SH3BP2: variants seen among roughly 807,000 people sequenced by gnomAD.
SH3BP2 encodes SH3 domain-binding protein 2.
Under a neutral mutation model 56.2 loss-of-function variants are expected in SH3BP2, and 38 were observed. The ratio of observed to expected loss-of-function variants is 0.68; its 90% confidence interval spans 0.52 to 0.89. The LOEUF (loss-of-function observed/expected upper bound fraction) is 0.89. Among genes scored for constraint, SH3BP2 ranks in the 40% least tolerant of loss-of-function variants. The pLI is 0.00. For synonymous variants in SH3BP2, 346 were observed against 316.7 expected (o/e 1.09, Z -0.98); for missense variants, 748 against 762.6 (o/e 0.98, Z 0.23).
rs752456141 is a variant in SH3BP2 at position 2,824,597 on chromosome 4, G to A, written c.240-16G>A. ...AGCTGTGAACCAGGCCGTGACCCCT[G>A]GCGCTGTGCCCCCAGGGTGATGCGG... On this transcript the variant is annotated splice_polypyrimidine_tract_variant and intron_variant, in intron 3 of 12. Coordinates refer to ENST00000503393, the MANE Select transcript of SH3BP2 (RefSeq NM_001122681.2). The A allele has an allele frequency of 1.0e-5, 16 of 1,604,312 alleles. No homozygotes were observed. The highest frequency in any genetic ancestry group is 1.7e-4 in the Middle Eastern group (1 of 6,046).
At chr4:2,819,337 A>C (rs1207140657) in intron 1 of SH3BP2, among the ~76,000 whole-genome samples, 2 of 152,210 alleles carry the variant, frequency 1.3e-5, no homozygotes, top group African/African-American at 4.8e-5. Context: ...CTCCTGCCTC[A>C]GCCTCCTAGA....
In SH3BP2 at chr4:2,796,425, G is replaced by A. The variant is rs1259823727; in HGVS notation, c.-5+3287G>A. 15 of 985,334 alleles carry A rather than the reference G, an allele frequency of 1.5e-5. 1 individual carries two copies. The highest frequency in any genetic ancestry group is 7.0e-5 in the African/African-American group (4 of 57,210). 61.0% of individuals were successfully genotyped at this position (985,334 alleles called of 1,614,324 possible). The stretch of plus-strand genomic sequence containing the variant: ...GTGGTCAGGCCCTGCTTGGTTTCCC[G>A]GCCCCCGATCACAGATCGTGCTGGA... On this transcript the variant is annotated intron_variant, in intron 1 of 12. Transcript: ENST00000503393.
intron 1 of SH3BP2, among the ~76,000 whole-genome samples, chr4:2,819,773 T>A (rs77806476): frequency 0.01 from 1,565 of 151,812 alleles, 29 homozygotes; most frequent in African/African-American, 0.036. Flanking sequence ...GTTCTCTGCA[T>A]GGGAAGGGGT....
chr4:2,827,352 C>A, intron 6 of SH3BP2, 34 bp downstream of exon 6: 1 of 1,569,794 alleles, frequency 6.4e-7, no homozygotes, highest in Non-Finnish European at 8.8e-7. Context: ...TGCCCGTTTG[C>A]CTCTCCCCAC....
At chr4:2,818,342 G>A (rs1198149786) in intron 1 of SH3BP2, 1 of 1,173,300 alleles carries the variant, frequency 8.5e-7, no homozygotes, top group East Asian at 3.7e-5. Context: ...CAGGGGAGGC[G>A]GGCGTGGATC....
chr4:2,825,053 C>A, intron 4 of SH3BP2, 73 bp from the exon 5 acceptor site: 2 of 1,334,526 alleles, frequency 1.5e-6, no homozygotes, highest in Non-Finnish European at 2.1e-6. Context: ...GCAGGCAGGG[C>A]AGTGAAGGTG....
rs111920545 is a variant in SH3BP2 at position 2,834,000 on chromosome 4, G to A, written c.*166G>A. 1 of 859,388 alleles carries A rather than the reference G, an allele frequency of 1.2e-6. No homozygotes were observed. The highest frequency in any genetic ancestry group is 2.7e-5 in the East Asian group (1 of 37,354). 53.2% of individuals were successfully genotyped at this position (859,388 alleles called of 1,614,324 possible). Reference sequence around the variant, plus strand: ...GGACCCAGCCAGTCTCATCCAGCAGGTTGGGTTCTAGGGCTGAACCAGGCG... The same window carrying A: ...GGACCCAGCCAGTCTCATCCAGCAGATTGGGTTCTAGGGCTGAACCAGGCG... On this transcript the variant is annotated 3_prime_UTR_variant, in exon 13 of 13. Coordinates refer to ENST00000503393, the MANE Select transcript of SH3BP2 (RefSeq NM_001122681.2).
intron 1 of SH3BP2, chr4:2,812,076 G>A: frequency 1.0e-6 from 1 of 970,628 alleles, no homozygotes; most frequent in Non-Finnish European, 1.4e-6. Flanking sequence ...GCTGGAGCCA[G>A]AGAGCCCTGG....
rs576990997 is a variant in SH3BP2 at position 2,820,476 on chromosome 4, A to G, written c.-4-138A>G. The stretch of plus-strand genomic sequence containing the variant: ...CCACCTGGAAGCCCAAGGCCCTCAG[A>G]AAAGGGGTTTCCTTGCCTGTCATGG... On this transcript the variant is annotated intron_variant, in intron 1 of 12. Transcript: ENST00000503393. 15 of 1,109,112 alleles carry G rather than the reference A, an allele frequency of 1.4e-5. No homozygotes were observed. In the East Asian group the frequency reaches 3.3e-4, roughly 25 times the overall value. The allele number at this position is 1,109,112 out of a possible 1,614,324, so 68.7% of individuals were successfully genotyped here. A position where few individuals can be genotyped will look rare whatever the true frequency, so the allele number is the denominator to read the frequency against.
At chr4:2,799,378 G>A (rs1490233942) in intron 1 of SH3BP2, 1 of 854,326 alleles carries the variant, frequency 1.2e-6, no homozygotes, top group Non-Finnish European at 1.4e-6. Context: ...GCCATCCTGG[G>A]GTCCTGGGTG....
chr4:2,795,653 G>A (rs1024710400), intron 1 of SH3BP2, among the ~76,000 whole-genome samples: 1 of 152,210 alleles, frequency 6.6e-6, no homozygotes, highest in Admixed American at 6.5e-5. Flanking sequence ...ATGAATACAG[G>A]GTGGGCCGTC....
chr4:2,803,764 CTA>C (rs978537339), intron 1 of SH3BP2, among the ~76,000 whole-genome samples: 5 of 152,180 alleles, frequency 3.3e-5, no homozygotes, highest in African/African-American at 1.2e-4. Context: ...CTGTCTGACT[CTA>C]TGTAATCCCA....
At chr4:2,800,076 G>C (rs1723206339) in intron 1 of SH3BP2, among the ~76,000 whole-genome samples, 1 of 152,142 alleles carries the variant, frequency 6.6e-6, no homozygotes, top group South Asian at 2.1e-4. Context: ...GACAGAAGTG[G>C]GTTCGTCGAG....
At chr4:2,802,032 T>G (rs998829019) in intron 1 of SH3BP2, among the ~76,000 whole-genome samples, 1 of 151,940 alleles carries the variant, frequency 6.6e-6, no homozygotes. Flanking sequence ...TGCTTGAAAC[T>G]GGGAGGCAGA....
rs952305042 is a variant in SH3BP2, at chr4:2,818,229, G to A, written c.-4-2385G>A. 4.0e-6 allele frequency: 4 copies of A among 987,778 alleles called. No homozygotes were observed. The African/African-American group carries it at 7.0e-5, about 17-fold the overall frequency. 61.2% of individuals were successfully genotyped at this position (987,778 alleles called of 1,614,324 possible). The stretch of plus-strand genomic sequence containing the variant: ...CCAGGCCAGGGCCGGCGGGCATGGC[G>A]GGCTCCGGGCCGCGGCCGCGGAGCT... On this transcript the variant is annotated intron_variant, in intron 1 of 12. Transcript: ENST00000503393.
chr4:2,828,109 AAG>A (rs1436692415), intron 7 of SH3BP2, among the ~76,000 whole-genome samples: 1 of 152,112 alleles, frequency 6.6e-6, no homozygotes, highest in Non-Finnish European at 1.5e-5. Context: ...GGCCTAGTCA[AAG>A]AGACAGGCTG....
At chr4:2,800,493 G>C (rs2108698369) in intron 1 of SH3BP2, among the ~76,000 whole-genome samples, 1 of 152,140 alleles carries the variant, frequency 6.6e-6, no homozygotes, top group East Asian at 1.9e-4. Flanking sequence ...AGGCCCTGCT[G>C]ACTCCAGAGT....
intron 1 of SH3BP2, among the ~76,000 whole-genome samples, chr4:2,794,583 G>A (rs1304227317): frequency 6.6e-6 from 1 of 152,228 alleles, no homozygotes; most frequent in East Asian, 1.9e-4. Flanking sequence ...CACCCTGGAG[G>A]GGGCAGGCAG....
chr4:2,818,686 G>A (rs532418118), intron 1 of SH3BP2: 52 of 998,592 alleles, frequency 5.2e-5, no homozygotes, highest in African/African-American at 4.2e-4. Context: ...TTGGGCGGGC[G>A]GCGGGGTGTG....
Sources: gnomAD v4.1 joint callset for allele counts (sites outside exome capture counted in the v4.1 genomes callset) on GRCh38, gnomAD v4.1.1 for gene constraint, MANE v1.5 for transcripts, NCBI Gene and HGNC (gene_info 2026-07-23, HGNC 2026-07-21) for gene names.